PRKAR1B: variants seen among roughly 807,000 people sequenced by gnomAD.
The protein encoded by PRKAR1B is protein kinase cAMP-dependent type I regulatory subunit beta, also known as cAMP-dependent protein kinase type I-beta regulatory subunit.
PRKAR1B carries 22 observed loss-of-function variants against 46.5 expected under a neutral mutation model. The observed-to-expected ratio is 0.47, with a 90% CI of 0.34 to 0.68. The LOEUF is 0.68. Ranked by LOEUF, PRKAR1B falls within the 30% of genes least tolerant of loss-of-function variation. The pLI is 0.01. For missense variants in PRKAR1B, 445 were observed against 535.6 expected (o/e 0.83, Z 1.67); for synonymous variants, 259 against 217.7 (o/e 1.19, Z -1.67).
At chr7:580,658 C>T (rs887474961) in intron 8 of PRKAR1B, among the ~76,000 whole-genome samples, 10 of 151,740 alleles carry the variant, frequency 6.6e-5, no homozygotes, top group Admixed American at 2.6e-4. Flanking sequence ...CTTTATTCAT[C>T]CCTAACCCTT....
intron 4 of PRKAR1B, among the ~76,000 whole-genome samples, chr7:665,095 G>A (rs926657073): frequency 1.3e-5 from 2 of 152,094 alleles, no homozygotes; most frequent in Non-Finnish European, 2.9e-5. Flanking sequence ...CAGCCCTGGA[G>A]ACCCTTTGAA....
chr7:653,233 C>T (rs538613242), intron 4 of PRKAR1B, among the ~76,000 whole-genome samples: 18 of 152,278 alleles, frequency 1.2e-4, no homozygotes, highest in African/African-American at 2.2e-4. Context: ...TCTTTGGGGG[C>T]CACCAATGTC....
intron 4 of PRKAR1B, among the ~76,000 whole-genome samples, chr7:615,860 GAAGA>G (rs1345515439): frequency 1.1e-4 from 16 of 145,904 alleles, no homozygotes; most frequent in African/African-American, 4.0e-4. Context: ...AGAAAGGAAG[GAAGA>G]AAGGGAGGGA....
At chr7:663,684 C>A (rs1271677390) in intron 4 of PRKAR1B, among the ~76,000 whole-genome samples, 2 of 152,076 alleles carry the variant, frequency 1.3e-5, no homozygotes, top group Admixed American at 1.3e-4. Flanking sequence ...AGCGGTGGCC[C>A]GAAGCAGGTG....
intron 6 of PRKAR1B, among the ~76,000 whole-genome samples, chr7:604,380 C>A (rs1781868127): frequency 6.6e-6 from 1 of 152,228 alleles, no homozygotes; most frequent in African/African-American, 2.4e-5. Context: ...CCGGGCAGTA[C>A]CCGGGACCTT....
At chr7:613,909 C>A (rs879498275) in intron 4 of PRKAR1B, among the ~76,000 whole-genome samples, 2 of 152,232 alleles carry the variant, frequency 1.3e-5, no homozygotes, top group Non-Finnish European at 2.9e-5. Context: ...GGGAAGCCTG[C>A]GGAGCCAAGA....
chr7:640,056 A>G (rs1784307594), intron 4 of PRKAR1B, among the ~76,000 whole-genome samples: 1 of 151,548 alleles, frequency 6.6e-6, no homozygotes, highest in Admixed American at 6.6e-5. Flanking sequence ...CCAGCTACTC[A>G]GGAGGCTGAG....
At chr7:712,171 G>A (rs1250774055) in intron 1 of PRKAR1B, among the ~76,000 whole-genome samples, 23 of 146,912 alleles carry the variant, frequency 1.6e-4, no homozygotes, top group African/African-American at 5.3e-4. Context: ...CCCCCGCCAC[G>A]CCGCCCCCGG....
At chr7:613,236 C>G (rs1042899841) in intron 4 of PRKAR1B, among the ~76,000 whole-genome samples, 2 of 139,534 alleles carry the variant, frequency 1.4e-5, no homozygotes, top group Non-Finnish European at 3.1e-5. Context: ...TTTTCTTTTT[C>G]TTTTGTTTTT....
intron 2 of PRKAR1B, among the ~76,000 whole-genome samples, chr7:684,879 C>A (rs1056359981): frequency 2.0e-5 from 3 of 151,164 alleles, no homozygotes; most frequent in African/African-American, 7.3e-5. Flanking sequence ...CACACAGACA[C>A]ACACACACAC....
chr7:648,199 G>C (rs971247741), intron 4 of PRKAR1B, among the ~76,000 whole-genome samples: 4 of 151,970 alleles, frequency 2.6e-5, no homozygotes, highest in Non-Finnish European at 4.4e-5. Flanking sequence ...TTGTTTTTAA[G>C]TTAGCATCTA....
chr7:558,052 GC>G (rs1778557963), intron 9 of PRKAR1B, among the ~76,000 whole-genome samples: 1 of 151,734 alleles, frequency 6.6e-6, no homozygotes, highest in African/African-American at 2.4e-5. Flanking sequence ...AGTGGCTCAC[GC>G]CTGTAATCCC....
At position 550,751 on chromosome 7, in the gene PRKAR1B, GTA is replaced by G. The variant is rs1218060741; in HGVS notation, c.974-151_974-150del. The G allele has an allele frequency of 1.9e-5, 12 of 632,902 alleles. No individual in the cohort carries two copies. The African/African-American group carries it at 2.2e-4, about 12-fold the overall frequency. 39.2% of individuals were successfully genotyped at this position (632,902 alleles called of 1,614,324 possible). A position where few individuals can be genotyped will look rare whatever the true frequency, so the allele number is the denominator to read the frequency against. On this transcript the variant is annotated intron_variant, in intron 10 of 10. Transcript: ENST00000537384. ...AATTTCAAACAAACTTGTAGCATAA[GTA>G]TAGCCCGAGAACTATTTGGGATATA...
chr7:572,352 C>A (rs979398411), intron 9 of PRKAR1B, among the ~76,000 whole-genome samples: 1 of 152,160 alleles, frequency 6.6e-6, no homozygotes, highest in Non-Finnish European at 1.5e-5. Context: ...TCAGAGACAG[C>A]GGGCGTGACC....
intron 1 of PRKAR1B, among the ~76,000 whole-genome samples, chr7:725,496 G>A (rs1781229514): frequency 1.3e-5 from 2 of 152,180 alleles, no homozygotes. Flanking sequence ...CCACAGTCAA[G>A]GTCACTACTG....
At chr7:682,742 CA>C (rs879378136) in intron 2 of PRKAR1B, among the ~76,000 whole-genome samples, 16,544 of 124,640 alleles carry the variant, frequency 0.13, 906 homozygotes, top group South Asian at 0.24. Context: ...GACTCTGTCT[CA>C]AAAAAAAAAA....
intron 1 of PRKAR1B, chr7:712,705 C>G (rs1282061669): frequency 2.2e-5 from 3 of 133,590 alleles, no homozygotes; most frequent in African/African-American, 8.3e-5. Flanking sequence ...CAGGACCCCC[C>G]GCTGTCGCCG....
At chr7:557,945 C>T (rs1160962712) in intron 9 of PRKAR1B, among the ~76,000 whole-genome samples, 1 of 152,110 alleles carries the variant, frequency 6.6e-6, no homozygotes, top group East Asian at 1.9e-4. Flanking sequence ...GAACGTCCTG[C>T]CCTGGCCGTT....
chr7:601,800 G>T (rs1343067694), intron 6 of PRKAR1B, among the ~76,000 whole-genome samples: 2 of 152,164 alleles, frequency 1.3e-5, no homozygotes, highest in African/African-American at 4.8e-5. Context: ...CAGGAAGTGG[G>T]CATCCACCCA....
Sources: gnomAD v4.1 joint callset for allele counts (sites outside exome capture counted in the v4.1 genomes callset) on GRCh38, gnomAD v4.1.1 for gene constraint, MANE v1.5 for transcripts, NCBI Gene and HGNC (gene_info 2026-07-23, HGNC 2026-07-21) for gene names.